Variants in EXTL2 observed in about 807,000 individuals in gnomAD.
EXTL2 encodes the protein exostosin like glycosyltransferase 2.
A neutral mutation model predicts 30.7 loss-of-function variants in EXTL2; 23 were observed. The ratio of observed to expected loss-of-function variants is 0.75; its 90% CI spans 0.54 to 1.06. EXTL2 has a LOEUF of 1.06. Ranked by LOEUF, EXTL2 falls within the 50% of genes least tolerant of loss-of-function variation. EXTL2 has a pLI of 0.00. For missense variants in EXTL2, 352 were observed against 396.3 expected, an observed-to-expected ratio of 0.89 and a Z score of 0.95; for synonymous variants, 123 against 133.8, an observed-to-expected ratio of 0.92 and a Z score of 0.56.
In EXTL2 at chr1:100,872,480, A is replaced by AGTTTG. The variant is rs1420029656; in HGVS notation, c.*1461_*1462insCAAAC. On this transcript the variant is annotated 3_prime_UTR_variant, in exon 5 of 5. Transcript: ENST00000370114. The stretch of plus-strand genomic sequence containing the variant: ...TTGGACAAAACAGATAACTGACATT[A>AGTTTG]TCGATTTTTAGTAAGATTCTTAGTT... The AGTTTG allele has an allele frequency of 1.3e-5, 2 of 152,442 alleles. No individual in the cohort carries two copies. The highest frequency in any genetic ancestry group is 4.8e-5 in the African/African-American group (2 of 41,402). 9.4% of individuals were successfully genotyped at this position (152,442 alleles called of 1,614,324 possible).
chr1:100,875,501 T>A (rs1649043518), intron 4 of EXTL2, among the ~76,000 whole-genome samples: 1 of 151,792 alleles, frequency 6.6e-6, no homozygotes, highest in Non-Finnish European at 1.5e-5. Flanking sequence ...ATTTATACAA[T>A]CTAGGAGAAT....
intron 1 of EXTL2, among the ~76,000 whole-genome samples, chr1:100,891,222 A>G (rs1650400198): frequency 6.6e-6 from 1 of 152,222 alleles, no homozygotes; most frequent in Non-Finnish European, 1.5e-5. Flanking sequence ...ACTTTATGTA[A>G]TGGCATTTAG....
chr1:100,880,069 A>G (rs1649438505), intron 2 of EXTL2, among the ~76,000 whole-genome samples: 1 of 152,036 alleles, frequency 6.6e-6, no homozygotes, highest in Non-Finnish European at 1.5e-5. Flanking sequence ...AGCTTGTTTC[A>G]TGTTGTGGTG....
chr1:100,888,761 G>T lies in EXTL2; in HGVS notation c.-4C>A. On this transcript the variant is annotated 5_prime_UTR_variant, in exon 2 of 5. Transcript: ENST00000370114. ...AAAATATTGGTACTTACCTCATTGT[G>T]TTGAAGTTTAATTTTTAAAAAATCT... is the stretch of plus-strand genomic sequence containing the variant. The T allele has an allele frequency of 6.4e-7, 1 of 1,556,646 alleles. No homozygotes were observed. The highest frequency in any genetic ancestry group is 1.2e-5 in the South Asian group (1 of 86,272).
intron 2 of EXTL2, among the ~76,000 whole-genome samples, chr1:100,886,390 T>C (rs1217313310): frequency 6.6e-6 from 1 of 152,236 alleles, no homozygotes. Flanking sequence ...ACGTCTTCCA[T>C]CTGGCGGACA....
rs185283378 is a variant in EXTL2, at chr1:100,892,854, G to A, written c.-72+1779C>T. 4.1e-4 allele frequency among the ~76,000 whole-genome samples: 63 copies of A among 152,196 alleles called. No individual in the cohort carries two copies. In the East Asian group the frequency reaches 7.0e-3, roughly 17 times the overall value. On this transcript the variant is annotated intron_variant, in intron 1 of 4. Coordinates refer to ENST00000370114, the MANE Select transcript of EXTL2 (RefSeq NM_001033025.3). ...TTTTTTAACCAGCAGTTCCCAGGGC[G>A]CTCAATTTGAAGCATCTAAAAGGGT...
In EXTL2 at chr1:100,877,713, A is replaced by C; in HGVS notation, c.196T>G (p.Phe66Val). 6.2e-7 allele frequency: 1 copy of C among 1,613,556 alleles called. No individual in the cohort carries two copies. The highest frequency in any genetic ancestry group is 8.5e-7 in the Non-Finnish European group (1 of 1,179,646). The part of the protein sequence containing the change: ...KSQGKSTMDS[F>V]TLIMQTYNRT... ...TTGTACGTCTGCATTATGAGAGTAA[A>C]GGAGTCCATGGTGGACTTGCCCTGG... The change falls in exon 3 of 5, where the codon TTT (phenylalanine) becomes GTT (valine). Residue 66 changes from phenylalanine to valine, a missense_variant. Coordinates refer to ENST00000370114, the MANE Select transcript of EXTL2 (RefSeq NM_001033025.3). The surrounding 1 kb of genome is among the most constrained non-coding windows in gnomAD (Gnocchi z 4.1).
chr1:100,872,593 T>C lies in EXTL2; in HGVS notation c.*1349A>G, dbSNP rs941049817. On this transcript the variant is annotated 3_prime_UTR_variant, in exon 5 of 5. Coordinates refer to ENST00000370114, the MANE Select transcript of EXTL2 (RefSeq NM_001033025.3). ...AAAAACCATCATATGCGGAACTAAA[T>C]GCACAAAGACCTCATTATTGGAACA... 3.3e-5 allele frequency: 5 copies of C among 152,380 alleles called. No homozygotes were observed. The highest frequency in any genetic ancestry group is 9.7e-5 in the African/African-American group (4 of 41,408). 9.4% of individuals were successfully genotyped at this position (152,380 alleles called of 1,614,324 possible). A position where few individuals can be genotyped will look rare whatever the true frequency, so the allele number is the denominator to read the frequency against.
rs753971587 is a variant in EXTL2, at chr1:100,877,641, G to A, written c.268C>T (p.Pro90Ser). The A allele has an allele frequency of 6.2e-7, 1 of 1,613,590 alleles. No homozygotes were observed. The highest frequency in any genetic ancestry group is 1.3e-5 in the African/African-American group (1 of 74,962). ...ACCACAATCACTTTGTGCAGATTTG[G>A]TACAGCCTGATAATGATTTAAAAGT... ...LKLLNHYQAV[P>S]NLHKVIVVWN... The change falls in exon 3 of 5, where the codon CCA becomes TCA. Residue 90 changes from proline to serine, a missense_variant. Transcript: ENST00000370114. This position sits in a 1 kb window ranked among gnomAD's most constrained non-coding sequence, Gnocchi z 4.1.
At chr1:100,874,533 A>T in intron 4 of EXTL2, 103 bp from the exon 5 acceptor site, 1 of 927,912 alleles carries the variant, frequency 1.1e-6, no homozygotes, top group Non-Finnish European at 1.6e-6. Context: ...TGATTTGTCA[A>T]CTCTTCCTTA....
Position 100,877,496 on chromosome 1 carries a change from A to G in EXTL2, c.413T>C (p.Phe138Ser), listed in dbSNP as rs773048159. The G allele has an allele frequency of 1.9e-6, 3 of 1,601,726 alleles. No homozygotes were observed. The highest frequency in any genetic ancestry group is 2.7e-5 in the African/African-American group (2 of 74,508). ...CTCACCATTGGTTTCCAGTTCAGGA[A>G]AGACCTGGAGTCGATTTCTCATCCT... The part of the protein sequence containing the change: ...ANRMRNRLQV[F>S]PELETNAVLM... The change falls in exon 3 of 5, where the codon TTT becomes TCT. Residue 138 changes from phenylalanine (F) to serine (S), a missense_variant. Coordinates refer to ENST00000370114, the MANE Select transcript of EXTL2 (RefSeq NM_001033025.3). The surrounding 1 kb of genome is among the most constrained non-coding windows in gnomAD (Gnocchi z 4.1).
At chr1:100,890,998 T>C (rs1047368644) in intron 1 of EXTL2, among the ~76,000 whole-genome samples, 1 of 152,236 alleles carries the variant, frequency 6.6e-6, no homozygotes, top group Non-Finnish European at 1.5e-5. Context: ...GAATGGGTAG[T>C]AGAAGAAGGT....
chr1:100,894,939 C>G (rs1460904188), upstream of EXTL2: 1 of 152,240 alleles, frequency 6.6e-6, no homozygotes, highest in Non-Finnish European at 1.5e-5. Context: ...CCTCCGAAAG[C>G]CAATCCTTTC....
At chr1:100,892,488 A>T (rs1053464302) in intron 1 of EXTL2, among the ~76,000 whole-genome samples, 2 of 151,748 alleles carry the variant, frequency 1.3e-5, no homozygotes, top group Non-Finnish European at 2.9e-5. Flanking sequence ...AGGTTTTGGG[A>T]CTCTGATTGA....
At chr1:100,880,973 A>G in intron 2 of EXTL2, 1 of 976,498 alleles carries the variant, frequency 1.0e-6, no homozygotes, top group Non-Finnish European at 1.2e-6. Context: ...CTTCTCATGT[A>G]TTCTTTTAAG....
rs377016982 is a variant in EXTL2 at position 100,874,359 on chromosome 1, A to G, written c.576T>C (p.Tyr192=). 5.0e-6 allele frequency: 8 copies of G among 1,612,680 alleles called. No homozygotes were observed. Among genetic ancestry groups the G allele is most frequent in the East Asian group, 4.5e-5 (2 of 44,862 alleles). Residue 192 remains tyrosine, a synonymous_variant, in exon 5 of 5, where the codon TAT becomes TAC. Coordinates refer to ENST00000370114, the MANE Select transcript of EXTL2 (RefSeq NM_001033025.3). The part of the protein sequence containing the change: ...HVSTSSGIYS[Y]GSFEMQAPGS... ...CTGGTGCTTGCATTTCAAAACTTCC[A>G]TAACTGTAGATACCTGATGAAGTAG...
chr1:100,891,821 T>A (rs1650448021), intron 1 of EXTL2, among the ~76,000 whole-genome samples: 1 of 152,194 alleles, frequency 6.6e-6, no homozygotes, highest in Non-Finnish European at 1.5e-5. Flanking sequence ...GGCCTTTCAA[T>A]CATTTTACAA....
At position 100,877,730 on chromosome 1, in the gene EXTL2, T is replaced by C; in HGVS notation, c.179A>G (p.Lys60Arg). ...GAGAGTAAAGGAGTCCATGGTGGAC[T>C]TGCCCTGGGATTTTATTTCCCTACG... is the stretch of plus-strand genomic sequence containing the variant. ...MLRREIKSQG[K>R]STMDSFTLIM... The change falls in exon 3 of 5, where the codon AAG (lysine) becomes AGG (arginine). Residue 60 changes from lysine (K) to arginine (R), a missense_variant. By Grantham distance (26) the Lys-to-Arg change is conservative (BLOSUM62 2). Transcript: ENST00000370114. The surrounding 1 kb of genome is among the most constrained non-coding windows in gnomAD (Gnocchi z 4.1). 6.2e-7 allele frequency: 1 copy of C among 1,613,598 alleles called. No individual in the cohort carries two copies. Among genetic ancestry groups the C allele is most frequent in the Non-Finnish European group, 8.5e-7 (1 of 1,179,702 alleles).
intron 2 of EXTL2, chr1:100,886,017 A>T (rs1649937047): frequency 6.6e-6 from 1 of 152,240 alleles, no homozygotes; most frequent in Non-Finnish European, 1.5e-5. Context: ...GTAGTGTCAG[A>T]GATTCATCTT....
Sources: allele counts gnomAD v4.1 joint callset (sites outside exome capture counted in the v4.1 genomes callset), GRCh38; gene constraint gnomAD v4.1.1; non-coding constraint Gnocchi (gnomAD v3.1); transcripts MANE v1.5; gene names NCBI Gene and HGNC (gene_info 2026-07-23, HGNC 2026-07-21).